Variants in MGAT4D observed in about 807,000 individuals in gnomAD.
MGAT4D encodes alpha-1,3-mannosyl-glycoprotein 4-beta-N-acetylglucosaminyltransferase-like protein MGAT4D.
MGAT4D carries 34 observed loss-of-function variants against 15.9 expected under a neutral mutation model. The observed-to-expected ratio is 2.14, with a 90% CI of 1.62 to 2.84. The LOEUF (loss-of-function observed/expected upper bound fraction) is 2.84. Among genes scored for constraint, MGAT4D ranks in the 30% most tolerant of loss-of-function variants. The pLI is 0.00. For synonymous variants in MGAT4D, 112 were observed against 48.2 expected, an observed-to-expected ratio of 2.33 and a Z score of -5.49; for missense variants, 327 against 140.2, an observed-to-expected ratio of 2.33 and a Z score of -6.73.
At chr4:140,444,401 C>G (rs1729954035) in intron 10 of MGAT4D, among the ~76,000 whole-genome samples, 2 of 152,092 alleles carry the variant, frequency 1.3e-5, no homozygotes, top group African/African-American at 4.8e-5. Flanking sequence ...GCCCCAGTAT[C>G]TGTCATTCAC....
chr4:140,472,306 C>T (rs2039644323), intron 4 of MGAT4D, among the ~76,000 whole-genome samples: 2 of 152,092 alleles, frequency 1.3e-5, no homozygotes, highest in Non-Finnish European at 2.9e-5. Flanking sequence ...TGACAATAAA[C>T]TTTGTGGACC....
intron 3 of MGAT4D, among the ~76,000 whole-genome samples, chr4:140,476,703 A>C (rs1467400973): frequency 6.6e-6 from 1 of 152,160 alleles, no homozygotes; most frequent in Non-Finnish European, 1.5e-5. Flanking sequence ...AAGCCTTTGC[A>C]CACGCCATTC....
At chr4:140,484,446 T>C (rs72941704) in intron 1 of MGAT4D, among the ~76,000 whole-genome samples, 37,541 of 151,950 alleles carry the variant, frequency 0.25, 4,990 homozygotes, top group East Asian at 0.48. Flanking sequence ...GTAGCCATTA[T>C]GGAACACAAT....
In MGAT4D at chr4:140,471,227, T is replaced by TTACCTTCCTTCC. The variant is rs1225560660; in HGVS notation, c.572+547_572+548insGGAAGGAAGGTA. 2.3e-3 allele frequency among the ~76,000 whole-genome samples: 303 copies of TTACCTTCCTTCC among 133,790 alleles called. 1 individual carries two copies. The highest frequency in any genetic ancestry group is 3.6e-3 in the Middle Eastern group (1 of 276). 87.8% of individuals were successfully genotyped at this position (133,790 alleles called of 152,430 possible). On this transcript the variant is annotated intron_variant, in intron 5 of 10. Transcript: ENST00000511113. ...TTTCGTTTCTCCTTTCTCCTTTTTG[T>TTACCTTCCTTCC]TTCCTTCCTTCCTTCCTTCCTTCCT...
intron 7 of MGAT4D, among the ~76,000 whole-genome samples, chr4:140,461,373 G>A (rs1731160649): frequency 6.6e-6 from 1 of 152,148 alleles, no homozygotes; most frequent in Non-Finnish European, 1.5e-5. Context: ...TCTATGTAGT[G>A]TGGTCCATAC....
intron 1 of MGAT4D, 84 bp downstream of exon 1, chr4:140,498,045 C>G: frequency 1.6e-6 from 1 of 625,840 alleles, no homozygotes; most frequent in South Asian, 1.7e-5. Flanking sequence ...GCCTCCGCAC[C>G]CGCCGACCCT....
At chr4:140,482,755 C>T (rs1000092316) in intron 1 of MGAT4D, among the ~76,000 whole-genome samples, 7 of 151,782 alleles carry the variant, frequency 4.6e-5, no homozygotes, top group Non-Finnish European at 8.8e-5. Flanking sequence ...TGATTTTTTC[C>T]TTTATTACTC....
At chr4:140,492,627 C>CAAAA (rs57107544) in intron 1 of MGAT4D, among the ~76,000 whole-genome samples, 1 of 113,770 alleles carries the variant, frequency 8.8e-6, no homozygotes, top group Non-Finnish European at 1.9e-5. Flanking sequence ...GACTCTGTCT[C>CAAAA]AAAAAAAAAA....
chr4:140,451,114 T>C (rs1345838086), intron 10 of MGAT4D, among the ~76,000 whole-genome samples: 1 of 152,200 alleles, frequency 6.6e-6, no homozygotes, highest in African/African-American at 2.4e-5. Context: ...AAGAGTGAAC[T>C]TTATTATAAT....
chr4:140,458,095 C>A (rs989452933), intron 8 of MGAT4D: 1 of 152,134 alleles, frequency 6.6e-6, no homozygotes, highest in Non-Finnish European at 1.5e-5. Flanking sequence ...GAGCGTAAAC[C>A]GTATAACCAA....
chr4:140,479,828 G>A (rs1010567177), intron 2 of MGAT4D, among the ~76,000 whole-genome samples: 1 of 151,908 alleles, frequency 6.6e-6, no homozygotes, highest in South Asian at 2.1e-4. Flanking sequence ...TATTTATAAA[G>A]TAATATGTAA....
At chr4:140,490,462 A>G (rs1733428773) in intron 1 of MGAT4D, among the ~76,000 whole-genome samples, 1 of 152,230 alleles carries the variant, frequency 6.6e-6, no homozygotes, top group Non-Finnish European at 1.5e-5. Flanking sequence ...CTGTTGGCCC[A>G]GAAGATCTGG....
intron 2 of MGAT4D, among the ~76,000 whole-genome samples, chr4:140,481,119 G>A (rs1732693527): frequency 6.6e-6 from 1 of 152,008 alleles, no homozygotes; most frequent in Non-Finnish European, 1.5e-5. Flanking sequence ...ATCAGCCTGG[G>A]CAACATAGAG....
rs1396908552 is a variant in MGAT4D, at chr4:140,459,534, C to T, written c.855G>A (p.Glu285=). Residue 285 remains glutamate, a synonymous_variant, in exon 8 of 11, where the codon GAG becomes GAA. Coordinates refer to ENST00000511113, the MANE Select transcript of MGAT4D (RefSeq NM_001277353.2). ...NISSNNWFFI[E]FSMLGFIGKL... is the part of the protein sequence containing the mutation. Reference sequence around the variant, plus strand: ...TACCTATGAATCCAAGCATTGAAAACTCAATAAAAAACCAATTATTTGAAC... The same window carrying T: ...TACCTATGAATCCAAGCATTGAAAATTCAATAAAAAACCAATTATTTGAAC... 2 of 496,372 alleles carry T rather than the reference C, an allele frequency of 4.0e-6. No homozygotes were observed. Among genetic ancestry groups the T allele is most frequent in the African/African-American group, 2.0e-5 (1 of 49,590 alleles). The allele number at this position is 496,372 out of a possible 1,614,324, so 30.7% of individuals were successfully genotyped here.
At chr4:140,473,241 G>C (rs1732090793) in intron 4 of MGAT4D, among the ~76,000 whole-genome samples, 1 of 151,628 alleles carries the variant, frequency 6.6e-6, no homozygotes, top group Non-Finnish European at 1.5e-5. Context: ...CTTAACAATA[G>C]GACATGAACA....
At position 140,442,682 on chromosome 4, in the gene MGAT4D, A is replaced by T. The variant is rs1242911866; in HGVS notation, c.*754T>A. 6.6e-6 allele frequency: 1 copy of T among 152,188 alleles called. No individual in the cohort carries two copies. Among genetic ancestry groups the T allele is most frequent in the Non-Finnish European group, 1.5e-5 (1 of 68,014 alleles). The allele number at this position is 152,188 out of a possible 1,614,324, so 9.4% of individuals were successfully genotyped here. On this transcript the variant is annotated 3_prime_UTR_variant, in exon 11 of 11. Transcript: ENST00000511113. Reference sequence around the variant, plus strand: ...AAAAGGGAGTATACAGAAACTATACATTCTTTCCAAAGTCATATGGAACAC... The same window carrying T: ...AAAAGGGAGTATACAGAAACTATACTTTCTTTCCAAAGTCATATGGAACAC...
chr4:140,487,704 A>G (rs1224115316), intron 1 of MGAT4D, among the ~76,000 whole-genome samples: 1 of 152,178 alleles, frequency 6.6e-6, no homozygotes, highest in Non-Finnish European at 1.5e-5. Context: ...ATGTAATCCT[A>G]CCAAAACAGT....
At chr4:140,485,300 G>C (rs924557263) in intron 1 of MGAT4D, among the ~76,000 whole-genome samples, 1 of 151,634 alleles carries the variant, frequency 6.6e-6, no homozygotes, top group African/African-American at 2.4e-5. Context: ...CTATCACAAG[G>C]ACAAAAAACC....
At chr4:140,497,697 G>C (rs1733927332) in intron 1 of MGAT4D, among the ~76,000 whole-genome samples, 1 of 152,204 alleles carries the variant, frequency 6.6e-6, no homozygotes, top group South Asian at 2.1e-4. Flanking sequence ...GGGGCCTGGT[G>C]ATGTAACCCA....
Sources: allele counts gnomAD v4.1 joint callset (sites outside exome capture counted in the v4.1 genomes callset), GRCh38; gene constraint gnomAD v4.1.1; transcripts MANE v1.5; gene names NCBI Gene and HGNC (gene_info 2026-07-23, HGNC 2026-07-21).